NUMA1: variants seen among roughly 807,000 people sequenced by gnomAD.
NUMA1 encodes the protein nuclear mitotic apparatus protein 1.
NUMA1 carries 62 observed loss-of-function variants against 237.1 expected under a neutral mutation model. The observed-to-expected ratio is 0.26, with a 90% CI of 0.21 to 0.32. The LOEUF (loss-of-function observed/expected upper bound fraction) is 0.32, where lower values mean the gene tolerates loss of function less well. Ranked by LOEUF, NUMA1 falls within the 10% of genes least tolerant of loss-of-function variation. The pLI is 1.00. For synonymous variants in NUMA1, 1,028 were observed against 1,066.1 expected (o/e 0.96, Z 0.70); for missense variants, 2,533 against 2,666.5 (o/e 0.95, Z 1.10).
intron 1 of NUMA1, among the ~76,000 whole-genome samples, chr11:72,074,056 T>C (rs1943589622): frequency 1.3e-5 from 2 of 151,790 alleles, no homozygotes; most frequent in Admixed American, 6.6e-5. Context: ...TAGCTAGGCT[T>C]GGTGGCGCAT....
At chr11:72,018,074 T>G in intron 12 of NUMA1, 109 bp downstream of exon 12, 1 of 994,546 alleles carries the variant, frequency 1.0e-6, no homozygotes, top group Non-Finnish European at 1.6e-6. Flanking sequence ...CTGGAGAGAC[T>G]GAAGCATAAG....
At chr11:72,033,185 T>A (rs1325123577) in intron 3 of NUMA1, among the ~76,000 whole-genome samples, 1 of 152,142 alleles carries the variant, frequency 6.6e-6, no homozygotes, top group Non-Finnish European at 1.5e-5. Context: ...AGGCTCTTGC[T>A]ATGTTATAGG....
At chr11:72,018,099 ATTC>A (rs1467844356) in intron 12 of NUMA1, 81 bp downstream of exon 12, 1 of 1,079,066 alleles carries the variant, frequency 9.3e-7, no homozygotes, top group Non-Finnish European at 1.4e-6. Flanking sequence ...GTGCTGGGAC[ATTC>A]TTCTCAACCC....
At chr11:72,071,448 G>A (rs1436853052) in intron 1 of NUMA1, among the ~76,000 whole-genome samples, 1 of 152,104 alleles carries the variant, frequency 6.6e-6, no homozygotes, top group Non-Finnish European at 1.5e-5. Context: ...AAGGCATTCA[G>A]ATTAAAAAAG....
intron 4 of NUMA1, among the ~76,000 whole-genome samples, chr11:72,028,096 T>G (rs951056897): frequency 1.3e-5 from 2 of 152,212 alleles, no homozygotes; most frequent in Non-Finnish European, 2.9e-5. Flanking sequence ...AAAAACCACT[T>G]TAGCAGCAGA....
In NUMA1 at chr11:72,015,474, C is replaced by G. The variant is rs1362117126; in HGVS notation, c.2029G>C (p.Glu677Gln). 17 of 1,612,634 alleles carry G rather than the reference C, an allele frequency of 1.1e-5. No individual in the cohort carries two copies. The highest frequency in any genetic ancestry group is 1.0e-4 in the Admixed American group (6 of 60,010). ...TGCTGCTCAGACCGCAGCTGCAACT[C>G]TAGCTCTGCAACCTGGGCCTGGGCC... is the stretch of plus-strand genomic sequence containing the variant. ...HEAQAQVAEL[E>Q]LQLRSEQQKA... Residue 677 changes from glutamate to glutamine, a missense_variant, in exon 15 of 27, where the codon GAG becomes CAG. Transcript: ENST00000393695. This position sits in a 1 kb window ranked among gnomAD's most constrained non-coding sequence, Gnocchi z 4.0.
At chr11:72,035,485 G>A (rs1444120773) in intron 3 of NUMA1, among the ~76,000 whole-genome samples, 2 of 150,676 alleles carry the variant, frequency 1.3e-5, no homozygotes, top group Non-Finnish European at 1.5e-5. Flanking sequence ...TCGGCTCACA[G>A]CAACCTCCGC....
At chr11:72,016,767 GGCT>G in intron 13 of NUMA1, 1 of 505,880 alleles carries the variant, frequency 2.0e-6, no homozygotes, top group Non-Finnish European at 3.5e-6. Flanking sequence ...ACTTCCCCAA[GGCT>G]GCTGAGTTTA....
intron 4 of NUMA1, 109 bp downstream of exon 4, chr11:72,029,096 C>A: frequency 1.4e-6 from 1 of 740,016 alleles, no homozygotes; most frequent in African/African-American, 1.7e-5. Flanking sequence ...CCCAATCCTT[C>A]CCCTGATTTC....
Position 72,014,345 on chromosome 11 carries a change from G to A in NUMA1, c.3158C>T (p.Ala1053Val). ...GCCTTCCTTTTCCGTCAGGGCATGA[G>A]CCAGTGCCTCTTGCAGGGTAGCGAA... is the stretch of plus-strand genomic sequence containing the variant. ...VEFATLQEAL[A>V]HALTEKEGKD... is the part of the protein sequence containing the mutation. Residue 1053 changes from alanine (A) to valine (V), a missense_variant, in exon 15 of 27, where the codon GCT becomes GTT. By Grantham distance (64) the Ala-to-Val change is moderately conservative (BLOSUM62 0). This residue lies in a region of NUMA1 where 1,414 missense variants were observed against 1,508.1 expected (regional missense o/e 0.94). Transcript: ENST00000393695. This position sits in a 1 kb window ranked among gnomAD's most constrained non-coding sequence, Gnocchi z 4.6. The A allele has an allele frequency of 4.3e-6, 7 of 1,613,688 alleles. No individual in the cohort carries two copies. Among genetic ancestry groups the A allele is most frequent in the Non-Finnish European group, 5.9e-6 (7 of 1,180,026 alleles).
intron 2 of NUMA1, among the ~76,000 whole-genome samples, chr11:72,058,013 G>A (rs1439696503): frequency 6.6e-6 from 1 of 152,096 alleles, no homozygotes; most frequent in African/African-American, 2.4e-5. Flanking sequence ...GGAGGTTGCA[G>A]TGAGCCAAGA....
rs776782089 is a variant in NUMA1, at chr11:72,012,361, G to A, written c.4650+40C>T. 2.9e-5 allele frequency: 46 copies of A among 1,605,466 alleles called. No homozygotes were observed. In the Admixed American group the frequency reaches 4.3e-4, roughly 15 times the overall value. ...GGCTCATGCACCAAGACTGGTCACC[G>A]TTTAAGCAGCCAGCATTTAGCGAGG... On this transcript the variant is annotated intron_variant, in intron 16 of 26. Transcript: ENST00000393695.
chr11:72,059,921 T>C (rs1942852593), intron 2 of NUMA1, among the ~76,000 whole-genome samples: 1 of 152,226 alleles, frequency 6.6e-6, no homozygotes, highest in African/African-American at 2.4e-5. Flanking sequence ...ATATATAAGA[T>C]AGAATATATT....
intron 8 of NUMA1, 149 bp downstream of exon 8, chr11:72,021,055 G>A (rs971437682): frequency 2.6e-5 from 17 of 649,450 alleles, no homozygotes; most frequent in African/African-American, 3.6e-5. Context: ...CCCAGAAATC[G>A]ACCTACTCCA....
chr11:72,014,990 A>G lies in NUMA1; in HGVS notation c.2513T>C (p.Leu838Ser). 1 of 1,614,026 alleles carries G rather than the reference A, an allele frequency of 6.2e-7. No homozygotes were observed. Among genetic ancestry groups the G allele is most frequent in the Non-Finnish European group, 8.5e-7 (1 of 1,180,006 alleles). The change falls in exon 15 of 27, where the codon TTG (leucine) becomes TCG (serine). Residue 838 changes from leucine to serine, a missense_variant. Coordinates refer to ENST00000393695, the MANE Select transcript of NUMA1 (RefSeq NM_006185.4). This position sits in a 1 kb window ranked among gnomAD's most constrained non-coding sequence, Gnocchi z 4.6. ...GAMFQEQLMT[L>S]KEECEKARQE... ...GCGGGCCTTCTCACATTCCTCCTTC[A>G]AAGTCATCAGCTGTTCCTGGAACAT...
chr11:72,010,243 G>A (rs916136440), intron 17 of NUMA1, among the ~76,000 whole-genome samples: 2 of 152,222 alleles, frequency 1.3e-5, no homozygotes, highest in African/African-American at 4.8e-5. Context: ...GCCCCTGACT[G>A]AAGGCTGTGA....
chr11:72,047,203 C>T (rs1591034510), intron 2 of NUMA1, among the ~76,000 whole-genome samples: 1 of 152,148 alleles, frequency 6.6e-6, no homozygotes, highest in Non-Finnish European at 1.5e-5. Context: ...GGTGTGGTGG[C>T]TCATGCCCGT....
Position 72,008,851 on chromosome 11 carries a change from A to G in NUMA1, c.5059-6T>C. 2 of 1,614,082 alleles carry G rather than the reference A, an allele frequency of 1.2e-6. No homozygotes were observed. The highest frequency in any genetic ancestry group is 1.7e-6 in the Non-Finnish European group (2 of 1,179,988). The stretch of plus-strand genomic sequence containing the variant: ...TGCTGGTCTGCATGGGCAACCTGAG[A>G]AGGAGAGGGCCAGGGGGAGAGTGAA... On this transcript the variant is annotated splice_region_variant and splice_polypyrimidine_tract_variant and intron_variant, in intron 19 of 26. Transcript: ENST00000393695.
At chr11:72,064,216 G>T (rs1043470485) in intron 2 of NUMA1, among the ~76,000 whole-genome samples, 1 of 152,052 alleles carries the variant, frequency 6.6e-6, no homozygotes, top group African/African-American at 2.4e-5. Flanking sequence ...CCAGCACTTT[G>T]GAAGGCTGAG....
Sources: allele counts gnomAD v4.1 joint callset (sites outside exome capture counted in the v4.1 genomes callset), GRCh38; gene constraint gnomAD v4.1.1; regional missense constraint gnomAD v4.1.1; non-coding constraint Gnocchi (gnomAD v3.1); transcripts MANE v1.5; gene names NCBI Gene and HGNC (gene_info 2026-07-23, HGNC 2026-07-21).